AHR: variants seen among roughly 807,000 people sequenced by gnomAD.
AHR encodes AH-receptor.
A neutral mutation model predicts 86.8 loss-of-function variants in AHR; 40 were observed. That is an observed-to-expected ratio of 0.46 (90% CI 0.36 to 0.60). The LOEUF is 0.60. Ranked by LOEUF, AHR falls within the 20% of genes least tolerant of loss-of-function variation. The probability of loss-of-function intolerance (pLI) is 0.00; values close to 1 mark genes in which losing one functional copy is unlikely to be tolerated. For synonymous variants in AHR, 398 were observed against 354.9 expected (o/e 1.12, Z -1.37); for missense variants, 1,001 against 1,011.6 (o/e 0.99, Z 0.14).
chr7:17,339,576 A>T lies in AHR; in HGVS notation c.1751A>T (p.Tyr584Phe). 1.2e-6 allele frequency: 2 copies of T among 1,614,194 alleles called. No homozygotes were observed. The highest frequency in any genetic ancestry group is 2.2e-5 in the South Asian group (2 of 91,090). ...GACTTAACGGATGAAATCCTGACGTATGTCCAAGATTCTTTAAGTAAGTCT... is the reference window on the plus strand; with the variant it reads ...GACTTAACGGATGAAATCCTGACGTTTGTCCAAGATTCTTTAAGTAAGTCT... ...DIDLTDEILT[Y>F]VQDSLSKSPF... Residue 584 changes from tyrosine (Y) to phenylalanine (F), a missense_variant, in exon 10 of 11, where the codon TAT becomes TTT. Physicochemically the swap from Tyr to Phe is conservative, Grantham distance 22. Transcript: ENST00000242057.
At chr7:17,302,217 A>G (rs1781962278) in intron 1 of AHR, among the ~76,000 whole-genome samples, 1 of 152,062 alleles carries the variant, frequency 6.6e-6, no homozygotes, top group Admixed American at 6.5e-5. Flanking sequence ...AAGGGGATCT[A>G]CACTTTAAAA....
intron 2 of AHR, among the ~76,000 whole-genome samples, chr7:17,318,134 T>G (rs1782134762): frequency 6.6e-6 from 1 of 152,138 alleles, no homozygotes; most frequent in Admixed American, 6.6e-5. Flanking sequence ...ATGCTTTCCC[T>G]GGCAAGATCA....
intron 2 of AHR, among the ~76,000 whole-genome samples, chr7:17,314,950 A>G (rs965523867): frequency 5.9e-5 from 9 of 152,044 alleles, no homozygotes; most frequent in Non-Finnish European, 1.2e-4. Context: ...CAAATAAAGT[A>G]TTTGTTGAAT....
intron 10 of AHR, among the ~76,000 whole-genome samples, chr7:17,341,684 G>A (rs554227822): frequency 1.3e-5 from 2 of 152,176 alleles, no homozygotes; most frequent in East Asian, 3.9e-4. Context: ...AAAAAAGAAT[G>A]TAAAATATCT....
rs1456071113 is a variant in AHR at position 17,345,018 on chromosome 7, A to G, written c.*1954A>G. On this transcript the variant is annotated 3_prime_UTR_variant, in exon 11 of 11. Transcript: ENST00000242057. ...CTGATGGAATCCCAAACTGAGATGTATTAAAATACAATTTTTGGCCGGGTG... is the reference window on the plus strand; with the variant it reads ...CTGATGGAATCCCAAACTGAGATGTGTTAAAATACAATTTTTGGCCGGGTG... 6.6e-6 allele frequency: 1 copy of G among 151,674 alleles called. No individual in the cohort carries two copies. The highest frequency in any genetic ancestry group is 1.5e-5 in the Non-Finnish European group (1 of 67,884). 9.4% of individuals were successfully genotyped at this position (151,674 alleles called of 1,614,324 possible).
rs1782451518 is a variant in AHR at position 17,343,753 on chromosome 7, T to C, written c.*689T>C. 1 of 152,710 alleles carries C rather than the reference T, an allele frequency of 6.5e-6. No individual in the cohort carries two copies. Among genetic ancestry groups the C allele is most frequent in the Admixed American group, 6.5e-5 (1 of 15,272 alleles). 9.5% of individuals were successfully genotyped at this position (152,710 alleles called of 1,614,324 possible). Reference sequence around the variant, plus strand: ...AACCATTTTCATTAATTCAGGCATATTTTAACTCCACTGCTTACCTACTTT... The same window carrying C: ...AACCATTTTCATTAATTCAGGCATACTTTAACTCCACTGCTTACCTACTTT... On this transcript the variant is annotated 3_prime_UTR_variant, in exon 11 of 11. Coordinates refer to ENST00000242057, the MANE Select transcript of AHR (RefSeq NM_001621.5).
intron 4 of AHR, 155 bp from the exon 5 acceptor site, chr7:17,329,797 G>A: frequency 1.6e-6 from 1 of 612,096 alleles, no homozygotes; most frequent in East Asian, 3.4e-5. Flanking sequence ...TCTACCTTAG[G>A]TTCTATCTTA....
intron 3 of AHR, among the ~76,000 whole-genome samples, chr7:17,326,154 T>C (rs1782227738): frequency 1.3e-5 from 2 of 152,182 alleles, no homozygotes; most frequent in Admixed American, 1.3e-4. Context: ...ATTGTAAAAC[T>C]GGAACATGGC....
At chr7:17,309,397 C>T (rs149082572) in intron 1 of AHR, among the ~76,000 whole-genome samples, 279 of 152,256 alleles carry the variant, frequency 1.8e-3, no homozygotes, top group Middle Eastern at 6.8e-3. Flanking sequence ...GGACCATCTG[C>T]AGGTGTCAGA....
chr7:17,339,136 A>G lies in AHR; in HGVS notation c.1311A>G (p.Gly437=). Residue 437 remains glycine (G), a synonymous_variant, in exon 10 of 11, where the codon GGA becomes GGG. Coordinates refer to ENST00000242057, the MANE Select transcript of AHR (RefSeq NM_001621.5). Reference sequence around the variant, plus strand: ...TAAGGACTAAAAATGGCACTAGTGGAAAAGACTCTGCTACCACATCCACTC... The same window carrying G: ...TAAGGACTAAAAATGGCACTAGTGGGAAAGACTCTGCTACCACATCCACTC... The part of the protein sequence containing the change: ...LPLRTKNGTS[G]KDSATTSTLS... 1 of 1,614,168 alleles carries G rather than the reference A, an allele frequency of 6.2e-7. No homozygotes were observed. The highest frequency in any genetic ancestry group is 8.5e-7 in the Non-Finnish European group (1 of 1,180,028).
chr7:17,322,407 TC>T, intron 2 of AHR, 93 bp from the exon 3 acceptor site: 1 of 775,092 alleles, frequency 1.3e-6, no homozygotes, highest in Non-Finnish European at 2.1e-6. Context: ...TGCCAGTATT[TC>T]AAATTGTCTT....
In AHR at chr7:17,299,219, C is replaced by G; in HGVS notation, c.-46C>G. 6.3e-7 allele frequency: 1 copy of G among 1,597,076 alleles called. No homozygotes were observed. The highest frequency in any genetic ancestry group is 8.5e-7 in the Non-Finnish European group (1 of 1,174,268). ...CAGCCTACACCGGGTTCCGGGGACC[C>G]GGCCGCCAGTGCCCGGGGAGTAGCC... On this transcript the variant is annotated 5_prime_UTR_variant, in exon 1 of 11. Coordinates refer to ENST00000242057, the MANE Select transcript of AHR (RefSeq NM_001621.5).
chr7:17,325,686 A>G (rs1012867018), intron 3 of AHR, among the ~76,000 whole-genome samples: 18 of 152,148 alleles, frequency 1.2e-4, no homozygotes, highest in African/African-American at 3.9e-4. Context: ...GCAAGCTACC[A>G]CAGGAACAGA....
At chr7:17,309,141 C>T (rs1395337801) in intron 1 of AHR, among the ~76,000 whole-genome samples, 1 of 152,126 alleles carries the variant, frequency 6.6e-6, no homozygotes, top group Non-Finnish European at 1.5e-5. Flanking sequence ...TCATGTTCCT[C>T]TTTGACCCAT....
intron 1 of AHR, among the ~76,000 whole-genome samples, chr7:17,302,817 A>G (rs1352473792): frequency 6.6e-6 from 1 of 151,540 alleles, no homozygotes. Context: ...AAAAATATAT[A>G]TATATATATA....
At chr7:17,340,367 G>T in intron 10 of AHR, 139 bp downstream of exon 10, 5 of 1,176,196 alleles carry the variant, frequency 4.3e-6, no homozygotes, top group East Asian at 2.7e-5. Context: ...TTATATCTGT[G>T]ACTACCTTTT....
At chr7:17,312,765 T>G (rs1219704510) in intron 2 of AHR, among the ~76,000 whole-genome samples, 4 of 152,194 alleles carry the variant, frequency 2.6e-5, no homozygotes, top group African/African-American at 9.6e-5. Flanking sequence ...ACATTATCAT[T>G]ATCTTTAACG....
At chr7:17,325,922 C>G (rs549493080) in intron 3 of AHR, among the ~76,000 whole-genome samples, 1 of 152,250 alleles carries the variant, frequency 6.6e-6, no homozygotes, top group African/African-American at 2.4e-5. Flanking sequence ...TGTAACAAAC[C>G]TGCACTTGTA....
In AHR at chr7:17,339,578, G is replaced by C; in HGVS notation, c.1753G>C (p.Val585Leu). Residue 585 changes from valine (V) to leucine (L), a missense_variant, in exon 10 of 11, where the codon GTC (valine) becomes CTC (leucine). Coordinates refer to ENST00000242057, the MANE Select transcript of AHR (RefSeq NM_001621.5). ...CTTAACGGATGAAATCCTGACGTAT[G>C]TCCAAGATTCTTTAAGTAAGTCTCC... ...IDLTDEILTYVQDSLSKSPFI... is the reference protein window; with the variant it reads ...IDLTDEILTYLQDSLSKSPFI... 6.2e-7 allele frequency: 1 copy of C among 1,614,178 alleles called. No homozygotes were observed. The highest frequency in any genetic ancestry group is 8.5e-7 in the Non-Finnish European group (1 of 1,180,034).
Sources: gnomAD v4.1 joint callset for allele counts (sites outside exome capture counted in the v4.1 genomes callset) on GRCh38, gnomAD v4.1.1 for gene constraint, MANE v1.5 for transcripts, NCBI Gene and HGNC (gene_info 2026-07-23, HGNC 2026-07-21) for gene names.